Variants in HM13 observed in about 807,000 individuals in gnomAD.
The protein encoded by HM13 is signal peptide peptidase.
In HM13, 18 loss-of-function variants were observed where a neutral mutation model predicts 50.0. That is an observed-to-expected ratio of 0.36 (90% confidence interval 0.25 to 0.53). HM13 has a LOEUF of 0.53. Ranked by LOEUF, HM13 falls within the 20% of genes least tolerant of loss-of-function variation. HM13 has a pLI of 0.90. For missense variants in HM13, 393 were observed against 552.4 expected (o/e 0.71, Z 2.89); for synonymous variants, 197 against 232.6 (o/e 0.85, Z 1.39).
At chr20:31,565,340 G>A (rs73613705) in intron 10 of HM13, among the ~76,000 whole-genome samples, 53 of 148,298 alleles carry the variant, frequency 3.6e-4, no homozygotes, top group Middle Eastern at 7.3e-3. Flanking sequence ...TTAGCCAGGC[G>A]TGGTGGCAGG....
intron 10 of HM13, chr20:31,565,921 G>C: frequency 3.4e-6 from 1 of 291,966 alleles, no homozygotes; most frequent in Non-Finnish European, 6.4e-6. Flanking sequence ...CCAGGAAGTT[G>C]CTTTTTGAAC....
Position 31,566,203 on chromosome 20 carries a change from C to T in HM13, c.949-7C>T. 6.2e-7 allele frequency: 1 copy of T among 1,613,286 alleles called. No homozygotes were observed. The highest frequency in any genetic ancestry group is 8.5e-7 in the Non-Finnish European group (1 of 1,179,358). On this transcript the variant is annotated splice_polypyrimidine_tract_variant and splice_region_variant and intron_variant, in intron 10 of 12. Transcript: ENST00000398174. ...GCATGGCTTCACCAGCCTGTGTCCT[C>T]TCATAGCCTGCCCTCCTATACCTGG...
intron 4 of HM13, chr20:31,548,106 G>C (rs1331125742): frequency 8.7e-7 from 1 of 1,146,980 alleles, no homozygotes; most frequent in Non-Finnish European, 1.3e-6. Flanking sequence ...TGTCGTATGT[G>C]TGTTTGTGTC....
rs6142176 is a variant in HM13, at chr20:31,536,071, C to T, written c.283-2108C>T. Among the ~76,000 whole-genome samples, 52 of 152,202 alleles carry T rather than the reference C, an allele frequency of 3.4e-4. No homozygotes were observed. In the East Asian group the frequency reaches 9.5e-3, roughly 28 times the overall value. On this transcript the variant is annotated intron_variant, in intron 2 of 12. Transcript: ENST00000398174. ...ACGTCTTGCAGCTCCAATTCCAGAA[C>T]GGATCTGGAGGCTGGGTGCGGTGGG... is the stretch of plus-strand genomic sequence containing the variant.
chr20:31,560,435 T>C (rs909422821), intron 9 of HM13, among the ~76,000 whole-genome samples: 2 of 152,258 alleles, frequency 1.3e-5, no homozygotes, highest in African/African-American at 2.4e-5. Context: ...ACCAGCATCA[T>C]TGAAATCCAG....
At chr20:31,561,511 C>T in intron 9 of HM13, 123 bp from the exon 10 acceptor site, 1 of 700,384 alleles carries the variant, frequency 1.4e-6, no homozygotes, top group Non-Finnish European at 2.6e-6. Flanking sequence ...TCCAGACTCC[C>T]AGCCCAGAGC....
At chr20:31,558,827 G>A (rs1198378318) in intron 8 of HM13, among the ~76,000 whole-genome samples, 11 of 151,838 alleles carry the variant, frequency 7.2e-5, no homozygotes, top group Non-Finnish European at 1.3e-4. Context: ...GGGTTCAAGC[G>A]ATTCTCCTGC....
At chr20:31,548,934 A>AGTGCCCACAGCC (rs1568792787) in intron 4 of HM13, 95 bp from the exon 5 acceptor site, 1 of 1,063,670 alleles carries the variant, frequency 9.4e-7, no homozygotes, top group Admixed American at 1.7e-5. Flanking sequence ...AACCTCTCAC[A>AGTGCCCACAGCC]GTGCCCACAG....
chr20:31,536,002 T>C (rs1384958466), intron 2 of HM13, among the ~76,000 whole-genome samples: 1 of 152,176 alleles, frequency 6.6e-6, no homozygotes, highest in Non-Finnish European at 1.5e-5. Context: ...CCAGGAGTCA[T>C]CCTTCTCCCT....
intron 1 of HM13, among the ~76,000 whole-genome samples, chr20:31,522,757 G>A (rs1454646985): frequency 6.6e-6 from 1 of 152,068 alleles, no homozygotes; most frequent in African/African-American, 2.4e-5. Flanking sequence ...TACAAATGGT[G>A]TATACGGTTT....
chr20:31,566,409 C>G, intron 11 of HM13, 114 bp downstream of exon 11: 4 of 828,918 alleles, frequency 4.8e-6, no homozygotes, highest in Non-Finnish European at 7.9e-6. Context: ...GTTCCTGCCA[C>G]CAGCCCCACC....
rs968146493 is a variant in HM13, at chr20:31,568,381, G to A, written c.1181+157G>A. 1.6e-5 allele frequency: 18 copies of A among 1,094,130 alleles called. No homozygotes were observed. In the Admixed American group the frequency reaches 2.4e-4, roughly 14 times the overall value. 67.8% of individuals were successfully genotyped at this position (1,094,130 alleles called of 1,614,324 possible). Reference sequence around the variant, plus strand: ...ACAACCACCAGGCAGTGGTTGCACCGAGCCATAGGGCTGGGAAGCAGGACA... The same window carrying A: ...ACAACCACCAGGCAGTGGTTGCACCAAGCCATAGGGCTGGGAAGCAGGACA... On this transcript the variant is annotated intron_variant, in intron 12 of 12. Coordinates refer to ENST00000398174, the MANE Select transcript of HM13 (RefSeq NM_178581.3).
intron 10 of HM13, chr20:31,563,410 G>A (rs115441410): frequency 0.018 from 2,747 of 152,388 alleles, 83 homozygotes; most frequent in African/African-American, 0.062. Flanking sequence ...TTGGAGCTCC[G>A]CCTCCTGGGC....
intron 7 of HM13, chr20:31,550,398 G>A: frequency 2.3e-6 from 1 of 437,492 alleles, no homozygotes; most frequent in Non-Finnish European, 4.2e-6. Flanking sequence ...CCAGCCCGGG[G>A]GGCACGCGCA....
chr20:31,534,911 C>T (rs1477245313), intron 2 of HM13, among the ~76,000 whole-genome samples: 2 of 151,948 alleles, frequency 1.3e-5, no homozygotes, highest in African/African-American at 4.8e-5. Flanking sequence ...GGTGATACCC[C>T]GTCTCTACTA....
intron 3 of HM13, among the ~76,000 whole-genome samples, chr20:31,542,499 G>A (rs1983503360): frequency 6.6e-6 from 1 of 152,156 alleles, no homozygotes; most frequent in African/African-American, 2.4e-5. Flanking sequence ...AGCCATCAAG[G>A]GCCAGGAAGA....
Position 31,547,909 on chromosome 20 carries a change from G to T in HM13, c.455-1120G>T, listed in dbSNP as rs1983814287. The T allele has an allele frequency of 1.6e-5, 18 of 1,160,486 alleles. No homozygotes were observed. In the South Asian group the frequency reaches 2.1e-4, roughly 13 times the overall value. The allele number at this position is 1,160,486 out of a possible 1,614,324, so 71.9% of individuals were successfully genotyped here. A position where few individuals can be genotyped will look rare whatever the true frequency, so the allele number is the denominator to read the frequency against. On this transcript the variant is annotated intron_variant, in intron 4 of 12. Coordinates refer to ENST00000398174, the MANE Select transcript of HM13 (RefSeq NM_178581.3). ...AGTAGATACGATTGTAGCAGTCACA[G>T]CGGAAGGAAAACAGCATGCTCTGTG...
At chr20:31,558,906 TTTG>T (rs995871517) in intron 8 of HM13, among the ~76,000 whole-genome samples, 6 of 151,852 alleles carry the variant, frequency 4.0e-5, no homozygotes, top group Non-Finnish European at 7.4e-5. Flanking sequence ...GCTTTTGTTT[TTTG>T]TTGTTGTTTT....
intron 1 of HM13, among the ~76,000 whole-genome samples, chr20:31,516,036 C>G (rs1981753450): frequency 6.6e-6 from 1 of 152,220 alleles, no homozygotes; most frequent in Admixed American, 6.5e-5. Context: ...GCTCTGTATG[C>G]GATCAGATGC....
Sources: allele counts gnomAD v4.1 joint callset (sites outside exome capture counted in the v4.1 genomes callset), GRCh38; gene constraint gnomAD v4.1.1; transcripts MANE v1.5; gene names NCBI Gene and HGNC (gene_info 2026-07-23, HGNC 2026-07-21).